Variants in BRIP1 observed in about 807,000 individuals in gnomAD.
BRIP1 encodes the protein Fanconi anemia group J protein.
BRIP1 carries 88 observed loss-of-function variants against 119.7 expected under a neutral mutation model. That is an observed-to-expected ratio of 0.74 (90% CI 0.62 to 0.88). The LOEUF is 0.88. Ranked by LOEUF, BRIP1 falls within the 40% of genes least tolerant of loss-of-function variation. The pLI is 0.00. For synonymous variants in BRIP1, 443 were observed against 496.5 expected, an observed-to-expected ratio of 0.89 and a Z score of 1.43; for missense variants, 1,259 against 1,455.4, an observed-to-expected ratio of 0.87 and a Z score of 2.20.
Position 61,679,318 on chromosome 17 carries a change from A to G in BRIP1, c.*3978T>C, listed in dbSNP as rs1324457008. Among the ~76,000 whole-genome samples, 2 of 152,210 alleles carry G rather than the reference A, an allele frequency of 1.3e-5. No homozygotes were observed. Among genetic ancestry groups the G allele is most frequent in the Admixed American group, 1.3e-4 (2 of 15,276 alleles). ...CCCATGTAATAACTAAGTGCATAGA[A>G]ACATAGTAATAGTTTTATAACACAA... is the stretch of plus-strand genomic sequence containing the variant. On this transcript the variant is annotated 3_prime_UTR_variant, in exon 20 of 20. Transcript: ENST00000259008. The surrounding 1 kb of genome is among the most constrained non-coding windows in gnomAD (Gnocchi z 4.4).
At position 61,794,158 on chromosome 17, in the gene BRIP1, A is replaced by G. The variant is rs549125427; in HGVS notation, c.1341-429T>C. Among the ~76,000 whole-genome samples, 1 of 152,318 alleles carries G rather than the reference A, an allele frequency of 6.6e-6. No individual in the cohort carries two copies. The highest frequency in any genetic ancestry group is 2.4e-5 in the African/African-American group (1 of 41,572). On this transcript the variant is annotated intron_variant, in intron 9 of 19. Transcript: ENST00000259008. This position sits in a 1 kb window ranked among gnomAD's most constrained non-coding sequence, Gnocchi z 4.3. ...AATATATAAATACATTCATTGATAT[A>G]TATACACATTCATACATTAAGTGTT...
rs1039235348 is a variant in BRIP1, at chr17:61,690,931, A to G, written c.2575+2499T>C. Among the ~76,000 whole-genome samples, 1 of 152,204 alleles carries G rather than the reference A, an allele frequency of 6.6e-6. No homozygotes were observed. The highest frequency in any genetic ancestry group is 1.5e-5 in the Non-Finnish European group (1 of 68,036). On this transcript the variant is annotated intron_variant, in intron 18 of 19. Coordinates refer to ENST00000259008, the MANE Select transcript of BRIP1 (RefSeq NM_032043.3). This position sits in a 1 kb window ranked among gnomAD's most constrained non-coding sequence, Gnocchi z 5.6. ...GGAATGTAAGAAAACAATCCCATTT[A>G]TAATAGTATGAATGAAGCTGGAAAC... is the stretch of plus-strand genomic sequence containing the variant.
chr17:61,683,224 A>G lies in BRIP1; in HGVS notation c.*72T>C. 6.8e-7 allele frequency: 1 copy of G among 1,468,066 alleles called. No homozygotes were observed. Among genetic ancestry groups the G allele is most frequent in the African/African-American group, 1.4e-5 (1 of 70,522 alleles). The allele number at this position is 1,468,066 out of a possible 1,614,324, so 90.9% of individuals were successfully genotyped here. A position where few individuals can be genotyped will look rare whatever the true frequency, so the allele number is the denominator to read the frequency against. On this transcript the variant is annotated 3_prime_UTR_variant, in exon 20 of 20. Coordinates refer to ENST00000259008, the MANE Select transcript of BRIP1 (RefSeq NM_032043.3). This position sits in a 1 kb window ranked among gnomAD's most constrained non-coding sequence, Gnocchi z 4.7. ...AAGTATGCCACTTATTCAATTTACAAATTATTACTTACAACAGAGTTTAAC... is the reference window on the plus strand; with the variant it reads ...AAGTATGCCACTTATTCAATTTACAGATTATTACTTACAACAGAGTTTAAC...
chr17:61,780,316 A>T lies in BRIP1; in HGVS notation c.1880T>A (p.Leu627His), dbSNP rs1567812479. Residue 627 changes from leucine to histidine, a missense_variant, in exon 13 of 20, where the codon CTT (leucine) becomes CAT (histidine). This residue lies in a region of BRIP1 where 753 missense variants were observed against 891.8 expected (regional missense o/e 0.84). Transcript: ENST00000259008. This position sits in a 1 kb window ranked among gnomAD's most constrained non-coding sequence, Gnocchi z 5.4. ...LSPMKSFSSE[L>H]GVTFTIQLEA... ...CAGCTGGATAGTAAATGTAACACCA[A>T]GTTCTGACGAAAAGGATTTCATTGG... The T allele has an allele frequency of 6.2e-7, 1 of 1,612,134 alleles. No individual in the cohort carries two copies. The highest frequency in any genetic ancestry group is 8.5e-7 in the Non-Finnish European group (1 of 1,178,204).
intron 6 of BRIP1, among the ~76,000 whole-genome samples, chr17:61,838,683 T>C (rs939496971): frequency 2.0e-5 from 3 of 151,874 alleles, no homozygotes; most frequent in Non-Finnish European, 4.4e-5. Flanking sequence ...TCTATCAATT[T>C]ACCTTATTCA....
rs1281533728 is a variant in BRIP1 at position 61,774,770 on chromosome 17, T to C, written c.2097+1631A>G. Among the ~76,000 whole-genome samples, 4 of 152,316 alleles carry C rather than the reference T, an allele frequency of 2.6e-5. No individual in the cohort carries two copies. In the East Asian group the frequency reaches 5.8e-4, roughly 22 times the overall value. On this transcript the variant is annotated intron_variant, in intron 14 of 19. Transcript: ENST00000259008. The surrounding 1 kb of genome is among the most constrained non-coding windows in gnomAD (Gnocchi z 5.8). The stretch of plus-strand genomic sequence containing the variant: ...AAGCTAGAAGCAGAAAAATAATCTA[T>C]TCATTTTGCTAATATATATACAGTC...
At chr17:61,837,353 G>GA (rs2078590135) in intron 6 of BRIP1, among the ~76,000 whole-genome samples, 1 of 152,070 alleles carries the variant, frequency 6.6e-6, no homozygotes, top group African/African-American at 2.4e-5. Flanking sequence ...GAAGAAAAAG[G>GA]AAGAAAAATA....
In BRIP1 at chr17:61,693,224, G is replaced by C. The variant is rs991637811; in HGVS notation, c.2575+206C>G. On this transcript the variant is annotated intron_variant, in intron 18 of 19. Coordinates refer to ENST00000259008, the MANE Select transcript of BRIP1 (RefSeq NM_032043.3). The surrounding 1 kb of genome is among the most constrained non-coding windows in gnomAD (Gnocchi z 4.2). ...CAGTGGACAGGGGGGAGAGGGACAT[G>C]GGGCATTGCTGTTCAGTTGGTGTTA... is the stretch of plus-strand genomic sequence containing the variant. Among the ~76,000 whole-genome samples, 11 of 152,156 alleles carry C rather than the reference G, an allele frequency of 7.2e-5. No individual in the cohort carries two copies. Among genetic ancestry groups the C allele is most frequent in the African/African-American group, 2.7e-4 (11 of 41,426 alleles).
At position 61,751,111 on chromosome 17, in the gene BRIP1, A is replaced by T. The variant is rs2077125887; in HGVS notation, c.2098-6520T>A. Among the ~76,000 whole-genome samples, 1 of 152,242 alleles carries T rather than the reference A, an allele frequency of 6.6e-6. No homozygotes were observed. Among genetic ancestry groups the T allele is most frequent in the Non-Finnish European group, 1.5e-5 (1 of 68,044 alleles). On this transcript the variant is annotated intron_variant, in intron 14 of 19. Transcript: ENST00000259008. The surrounding 1 kb of genome is among the most constrained non-coding windows in gnomAD (Gnocchi z 6.7). The stretch of plus-strand genomic sequence containing the variant: ...AGTGTCAATCAACAGATGAATAAAC[A>T]AAATGTATGACCTACGTGCAATGGA...
rs1008199256 is a variant in BRIP1, at chr17:61,743,418, A to T, written c.2258-284T>A. Among the ~76,000 whole-genome samples, 2 of 152,202 alleles carry T rather than the reference A, an allele frequency of 1.3e-5. No homozygotes were observed. Among genetic ancestry groups the T allele is most frequent in the African/African-American group, 4.8e-5 (2 of 41,462 alleles). On this transcript the variant is annotated intron_variant, in intron 15 of 19. Transcript: ENST00000259008. This position sits in a 1 kb window ranked among gnomAD's most constrained non-coding sequence, Gnocchi z 4.3. ...TGTCAGAATAGCAACTTGCATATGA[A>T]CTGTGTGATTATAAACAGGTTTATT...
At position 61,804,900 on chromosome 17, in the gene BRIP1, CT is replaced by C. The variant is rs1342984124; in HGVS notation, c.919-3427del. ...TACAGGCTGAGCGCACTGGCTCATG[CT>C]TATAATCCTAACACTTTGAGAAGCC... On this transcript the variant is annotated intron_variant, in intron 7 of 19. Transcript: ENST00000259008. The surrounding 1 kb of genome is among the most constrained non-coding windows in gnomAD (Gnocchi z 4.5). 8.6e-5 allele frequency among the ~76,000 whole-genome samples: 13 copies of C among 151,256 alleles called. No individual in the cohort carries two copies. Among genetic ancestry groups the C allele is most frequent in the Non-Finnish European group, 1.6e-4 (11 of 67,858 alleles).
intron 17 of BRIP1, among the ~76,000 whole-genome samples, chr17:61,702,246 A>C (rs1405278248): frequency 6.6e-6 from 1 of 151,838 alleles, no homozygotes; most frequent in Admixed American, 6.6e-5. Flanking sequence ...ATTGATCTAT[A>C]GTTGTTGTTG....
chr17:61,698,451 A>G (rs1479410142), intron 17 of BRIP1, among the ~76,000 whole-genome samples: 1 of 152,074 alleles, frequency 6.6e-6, no homozygotes, highest in Non-Finnish European at 1.5e-5. Context: ...CAGAATGCGT[A>G]TTTTCCTGTT....
At chr17:61,840,106 C>T (rs1603358238) in intron 6 of BRIP1, among the ~76,000 whole-genome samples, 1 of 152,124 alleles carries the variant, frequency 6.6e-6, no homozygotes, top group African/African-American at 2.4e-5. Context: ...CGCCTGTAAT[C>T]CCAGCACTTT....
rs2078679388 is a variant in BRIP1, at chr17:61,843,027, A to G, written c.627+4074T>C. Reference sequence around the variant, plus strand: ...GTGTGTATGTGTATGTCAATGGAATATTAGCCCTAAAAAAGATCCTGCTAT... The same window carrying G: ...GTGTGTATGTGTATGTCAATGGAATGTTAGCCCTAAAAAAGATCCTGCTAT... On this transcript the variant is annotated intron_variant, in intron 6 of 19. Coordinates refer to ENST00000259008, the MANE Select transcript of BRIP1 (RefSeq NM_032043.3). The surrounding 1 kb of genome is among the most constrained non-coding windows in gnomAD (Gnocchi z 5.7). Among the ~76,000 whole-genome samples, 1 of 152,252 alleles carries G rather than the reference A, an allele frequency of 6.6e-6. No homozygotes were observed. Among genetic ancestry groups the G allele is most frequent in the Non-Finnish European group, 1.5e-5 (1 of 68,042 alleles).
At chr17:61,731,037 T>C (rs2076836611) in intron 16 of BRIP1, among the ~76,000 whole-genome samples, 1 of 150,134 alleles carries the variant, frequency 6.7e-6, no homozygotes, top group African/African-American at 2.5e-5. Flanking sequence ...TTTCAAGATA[T>C]ACTTAGAAAC....
intron 6 of BRIP1, among the ~76,000 whole-genome samples, chr17:61,833,234 C>A (rs558593273): frequency 1.9e-4 from 29 of 152,278 alleles, no homozygotes; most frequent in Middle Eastern, 3.4e-3. Context: ...ATCAAGAAAA[C>A]TTAGAGGAGT....
intron 11 of BRIP1, among the ~76,000 whole-genome samples, chr17:61,783,492 A>G (rs1008372796): frequency 6.6e-6 from 1 of 152,164 alleles, no homozygotes; most frequent in Non-Finnish European, 1.5e-5. Flanking sequence ...AATGTACAAC[A>G]TTGCAAATAT....
rs761087264 is a variant in BRIP1, at chr17:61,729,019, G to A, written c.2380-12956C>T. ...GTTCAAAACAGAAAGGAGGACGGGC[G>A]GCTGTAACCCCAGCACTTTGGGAGG... On this transcript the variant is annotated intron_variant, in intron 16 of 19. Transcript: ENST00000259008. The surrounding 1 kb of genome is among the most constrained non-coding windows in gnomAD (Gnocchi z 5.6). Among the ~76,000 whole-genome samples, 14 of 152,124 alleles carry A rather than the reference G, an allele frequency of 9.2e-5. No individual in the cohort carries two copies. The highest frequency in any genetic ancestry group is 1.4e-4 in the African/African-American group (6 of 41,430).
Sources: gnomAD v4.1 joint callset for allele counts (sites outside exome capture counted in the v4.1 genomes callset) on GRCh38, gnomAD v4.1.1 for gene constraint, gnomAD v4.1.1 regional missense constraint, Gnocchi (gnomAD v3.1) non-coding constraint, MANE v1.5 for transcripts, NCBI Gene and HGNC (gene_info 2026-07-23, HGNC 2026-07-21) for gene names.